Variants in UPF3A observed in about 807,000 individuals in gnomAD.
UPF3A encodes regulator of nonsense transcripts 3A.
UPF3A carries 42 observed loss-of-function variants against 53.5 expected under a neutral mutation model. That is an observed-to-expected ratio of 0.78 (90% CI 0.61 to 1.01). UPF3A has a LOEUF of 1.01. UPF3A is among the 50% of genes least tolerant of loss of function. The pLI is 0.00. For missense variants in UPF3A, 575 were observed against 598.0 expected (o/e 0.96, Z 0.40); for synonymous variants, 237 against 225.3 (o/e 1.05, Z -0.47).
Position 114,286,514 on chromosome 13 carries a change from T to C in UPF3A, c.521-5T>C, listed in dbSNP as rs1332789839. 2 of 1,612,148 alleles carry C rather than the reference T, an allele frequency of 1.2e-6. No homozygotes were observed. Among genetic ancestry groups the C allele is most frequent in the Non-Finnish European group, 1.7e-6 (2 of 1,179,298 alleles). ...TTTATTTTCTTCCTACTTTTTAATGTCTAGATCCAGAATATAAGAAGTTTT... is the reference window on the plus strand; with the variant it reads ...TTTATTTTCTTCCTACTTTTTAATGCCTAGATCCAGAATATAAGAAGTTTT... On this transcript the variant is annotated splice_region_variant and splice_polypyrimidine_tract_variant and intron_variant, in intron 4 of 9. Coordinates refer to ENST00000375299, the MANE Select transcript of UPF3A (RefSeq NM_023011.4).
chr13:114,303,803 C>T (rs1375791810), intron 9 of UPF3A, among the ~76,000 whole-genome samples: 1 of 152,138 alleles, frequency 6.6e-6, no homozygotes, highest in African/African-American at 2.4e-5. Context: ...AAAAGAAAAA[C>T]AAACAGAGCT....
At position 114,290,613 on chromosome 13, in the gene UPF3A, C is replaced by T. The variant is rs74967073; in HGVS notation, c.632-876C>T. On this transcript the variant is annotated intron_variant, in intron 5 of 9. Coordinates refer to ENST00000375299, the MANE Select transcript of UPF3A (RefSeq NM_023011.4). ...CACATCCAGGTCAGATCTGAGAGGT[C>T]GGGCATGAAAGCGAAGGACCAAGAT... 3.2e-3 allele frequency among the ~76,000 whole-genome samples: 492 copies of T among 152,220 alleles called. 2 individuals carry two copies. The highest frequency in any genetic ancestry group is 0.011 in the African/African-American group (449 of 41,542).
chr13:114,291,439 T>C (rs2085258005), intron 5 of UPF3A, 50 bp from the exon 6 acceptor site: 2 of 1,462,536 alleles, frequency 1.4e-6, no homozygotes, highest in Non-Finnish European at 1.9e-6. Context: ...GTATTTAAAA[T>C]ACATCTTTCT....
At position 114,298,842 on chromosome 13, in the gene UPF3A, T is replaced by C. The variant is rs1430506058; in HGVS notation, c.849T>C (p.Leu283=). 6.4e-7 allele frequency: 1 copy of C among 1,560,860 alleles called. No homozygotes were observed. Among genetic ancestry groups the C allele is most frequent in the Non-Finnish European group, 8.6e-7 (1 of 1,159,142 alleles). ...KIAEKEVRIK[L]LKKPEKGEEP... ...TTACTAACATTGTAATTTCTCAGCTTCTTAAGAAACCAGAAAAGGGAGAGG... is the reference window on the plus strand; with the variant it reads ...TTACTAACATTGTAATTTCTCAGCTCCTTAAGAAACCAGAAAAGGGAGAGG... The change falls in exon 8 of 10, where the codon CTT becomes CTC. Residue 283 remains leucine, a splice_region_variant and synonymous_variant. Coordinates refer to ENST00000375299, the MANE Select transcript of UPF3A (RefSeq NM_023011.4).
rs562933518 is a variant in UPF3A at position 114,295,104 on chromosome 13, T to TC, written c.846+3314dup. ...TCCAGCCTGGGCGACAGAGCAAGAC[T>TC]CCGTCTCAAAAAAAAAAAAAAAAAG... On this transcript the variant is annotated intron_variant, in intron 7 of 9. Coordinates refer to ENST00000375299, the MANE Select transcript of UPF3A (RefSeq NM_023011.4). Among the ~76,000 whole-genome samples the TC allele has an allele frequency of 5.4e-3, 680 of 126,942 alleles. 5 individuals carry two copies. The highest frequency in any genetic ancestry group is 0.021 in the African/African-American group (612 of 29,620). The allele number at this position is 126,942 out of a possible 152,430, so 83.3% of individuals were successfully genotyped here. A position where few individuals can be genotyped will look rare whatever the true frequency, so the allele number is the denominator to read the frequency against.
chr13:114,291,390 T>C (rs1303890582), intron 5 of UPF3A, 99 bp from the exon 6 acceptor site: 7 of 1,152,488 alleles, frequency 6.1e-6, no homozygotes, highest in Middle Eastern at 2.9e-4. Context: ...AGTAATGATA[T>C]GGTTCCCGTA....
Position 114,305,071 on chromosome 13 carries a change from C to G in UPF3A, c.*154C>G. On this transcript the variant is annotated 3_prime_UTR_variant, in exon 10 of 10. Transcript: ENST00000375299. ...GACGTAGAAACACGCAGAAACCATTCTAAAGAAAGTAGTGATCTTGTATTA... is the reference window on the plus strand; with the variant it reads ...GACGTAGAAACACGCAGAAACCATTGTAAAGAAAGTAGTGATCTTGTATTA... 1 of 933,460 alleles carries G rather than the reference C, an allele frequency of 1.1e-6. No individual in the cohort carries two copies. Among genetic ancestry groups the G allele is most frequent in the South Asian group, 1.5e-5 (1 of 65,962 alleles). 57.8% of individuals were successfully genotyped at this position (933,460 alleles called of 1,614,324 possible).
intron 3 of UPF3A, chr13:114,283,899 A>C: frequency 1.0e-6 from 1 of 985,302 alleles, no homozygotes; most frequent in Non-Finnish European, 1.2e-6. Context: ...TTTGACACTG[A>C]TGAGTGTTTT....
intron 7 of UPF3A, among the ~76,000 whole-genome samples, chr13:114,295,124 A>G (rs1199944127): frequency 1.2e-4 from 18 of 150,372 alleles, no homozygotes; most frequent in Middle Eastern, 3.5e-3. Context: ...AAAAAAAAAA[A>G]AAAAGAAAAG....
At chr13:114,281,899 T>TGGAGGGGGG in intron 1 of UPF3A, 53 bp downstream of exon 1, 3 of 621,150 alleles carry the variant, frequency 4.8e-6, no homozygotes, top group Non-Finnish European at 7.8e-6. Context: ...CGGCCCTGAG[T>TGGAGGGGGG]GGAGGGAGGG....
rs770874100 is a variant in UPF3A at position 114,304,963 on chromosome 13, G to A, written c.*46G>A. 1.3e-4 allele frequency: 211 copies of A among 1,587,260 alleles called. No homozygotes were observed. In the Middle Eastern group the frequency reaches 2.4e-3, roughly 18 times the overall value. On this transcript the variant is annotated 3_prime_UTR_variant, in exon 10 of 10. Coordinates refer to ENST00000375299, the MANE Select transcript of UPF3A (RefSeq NM_023011.4). ...TCCATGGACGAGCAAGGGCATCCCA[G>A]AAACGTGTAAATGACCCCGAGTGTG...
intron 3 of UPF3A, chr13:114,284,988 G>A (rs2084533289): frequency 6.6e-6 from 1 of 152,242 alleles, no homozygotes; most frequent in African/African-American, 2.4e-5. Context: ...CTGTGCTTTT[G>A]ATGTCATATG....
chr13:114,294,748 C>T (rs1289731904), intron 7 of UPF3A, among the ~76,000 whole-genome samples: 7 of 151,484 alleles, frequency 4.6e-5, no homozygotes, highest in African/African-American at 1.7e-4. Flanking sequence ...TCGCTTGAAC[C>T]TGGGAGGCAG....
chr13:114,287,423 C>G (rs2084811832), intron 5 of UPF3A: 1 of 152,132 alleles, frequency 6.6e-6, no homozygotes, highest in Admixed American at 6.5e-5. Context: ...AACCCCATCT[C>G]TACTAAAGAT....
chr13:114,292,052 A>G (rs1007331675), intron 7 of UPF3A, among the ~76,000 whole-genome samples: 1 of 147,634 alleles, frequency 6.8e-6, no homozygotes, highest in Admixed American at 6.8e-5. Flanking sequence ...ACCCCACAGG[A>G]GCCCCACGCT....
intron 7 of UPF3A, among the ~76,000 whole-genome samples, chr13:114,295,075 G>A (rs1010852901): frequency 1.4e-5 from 2 of 147,230 alleles, no homozygotes; most frequent in Non-Finnish European, 3.0e-5. Context: ...TTGCGCCACT[G>A]CACTCCAGCC....
At position 114,292,891 on chromosome 13, in the gene UPF3A, G is replaced by A. The variant is rs1400437958; in HGVS notation, c.846+1099G>A. Among the ~76,000 whole-genome samples the A allele has an allele frequency of 3.9e-5, 6 of 151,952 alleles. No individual in the cohort carries two copies. In the East Asian group the frequency reaches 9.7e-4, roughly 25 times the overall value. On this transcript the variant is annotated intron_variant, in intron 7 of 9. Transcript: ENST00000375299. ...AGTTCGAGATCACCCTGACTAACATGGTGAAACCCTGTCTCTACTAAAAAT... is the reference window on the plus strand; with the variant it reads ...AGTTCGAGATCACCCTGACTAACATAGTGAAACCCTGTCTCTACTAAAAAT...
intron 8 of UPF3A, among the ~76,000 whole-genome samples, chr13:114,299,527 G>T (rs1364867936): frequency 6.6e-6 from 1 of 152,202 alleles, no homozygotes; most frequent in African/African-American, 2.4e-5. Context: ...CTCTGGCTGT[G>T]GATCTTGACC....
At chr13:114,284,336 G>T (rs146644786) in intron 3 of UPF3A, among the ~76,000 whole-genome samples, 1 of 150,100 alleles carries the variant, frequency 6.7e-6, no homozygotes, top group Non-Finnish European at 1.5e-5. Flanking sequence ...CATCCCAGCC[G>T]GGGCGACGGA....
Sources: allele counts gnomAD v4.1 joint callset (sites outside exome capture counted in the v4.1 genomes callset), GRCh38; gene constraint gnomAD v4.1.1; transcripts MANE v1.5; gene names NCBI Gene and HGNC (gene_info 2026-07-23, HGNC 2026-07-21).